FLNA: variants seen among roughly 807,000 people sequenced by gnomAD.
The protein encoded by FLNA is filamin-A.
A neutral mutation model predicts 157.6 loss-of-function variants in FLNA; 7 were observed. The observed-to-expected ratio is 0.04, with a 90% CI of 0.03 to 0.08. The LOEUF (loss-of-function observed/expected upper bound fraction) is 0.08. FLNA is among the 10% of genes least tolerant of loss of function. FLNA has a pLI of 1.00. For missense variants in FLNA, 1,750 were observed against 2,398.4 expected, an observed-to-expected ratio of 0.73 and a Z score of 5.65; for synonymous variants, 1,103 against 1,060.8, an observed-to-expected ratio of 1.04 and a Z score of -0.77.
At chrX:154,362,864 A>G in intron 15 of FLNA, 80 bp from the exon 16 acceptor site, 1 of 1,069,174 alleles carries the variant, frequency 9.4e-7, no homozygotes, top group Non-Finnish European at 1.3e-6. Context: ...ACTGGCAGGC[A>G]CACAAAATGG....
At chrX:154,368,992 A>C (rs1180821807) in intron 2 of FLNA, among the ~76,000 whole-genome samples, 7 of 112,853 alleles carry the variant, frequency 6.2e-5, no homozygotes, top group Non-Finnish European at 9.4e-5. Context: ...TCTGGGCCCC[A>C]CCCAAGGCTA....
At position 154,350,897 on chromosome X, in the gene FLNA, A is replaced by T; in HGVS notation, c.7156+12T>A. On this transcript the variant is annotated intron_variant, in intron 44 of 47. Coordinates refer to ENST00000369850, the MANE Select transcript of FLNA (RefSeq NM_001110556.2). ...AGCAGGGCAGGGCGGCCGGGCAGGG[A>T]CAGGGCCTCACCTTGGTCAATTTCT... is the stretch of plus-strand genomic sequence containing the variant. 1.7e-6 allele frequency: 2 copies of T among 1,210,243 alleles called. No homozygotes were observed. Among genetic ancestry groups the T allele is most frequent in the Non-Finnish European group, 2.2e-6 (2 of 894,207 alleles).
Position 154,362,053 on chromosome X carries a change from C to G in FLNA, c.2752G>C (p.Asp918His). ...ATGATGTCCACATCTCGCACTGCATCCCCCTTGGTGAGTCCTGAGAACTGG... is the reference window on the plus strand; with the variant it reads ...ATGATGTCCACATCTCGCACTGCATGCCCCTTGGTGAGTCCTGAGAACTGG... ...DVQFSGLTKG[D>H]AVRDVDIIDH... The change falls in exon 19 of 48, where the codon GAT becomes CAT. Residue 918 changes from aspartate to histidine, a missense_variant. Asp to His is a moderately conservative substitution (Grantham distance 81, BLOSUM62 -1). Coordinates refer to ENST00000369850, the MANE Select transcript of FLNA (RefSeq NM_001110556.2). The G allele has an allele frequency of 8.3e-7, 1 of 1,210,804 alleles. No individual in the cohort carries two copies. The highest frequency in any genetic ancestry group is 3.0e-5 in the East Asian group (1 of 33,838).
In FLNA at chrX:154,348,747, C is replaced by CGGGCGGCCA. The variant is rs1569551381; in HGVS notation, c.*93_*101dup. 10 of 759,887 alleles carry CGGGCGGCCA rather than the reference C, an allele frequency of 1.3e-5. No individual in the cohort carries two copies. Among genetic ancestry groups the CGGGCGGCCA allele is most frequent in the Non-Finnish European group, 1.3e-5 (7 of 537,761 alleles). 62.6% of individuals were successfully genotyped at this position (759,887 alleles called of 1,213,427 possible). A position where few individuals can be genotyped will look rare whatever the true frequency, so the allele number is the denominator to read the frequency against. ...GGGCAGGGGCGGCTGCAGTGACAGG[C>CGGGCGGCCA]GGGCGGCCAGGGCGGCCTGGGCCGG... On this transcript the variant is annotated 3_prime_UTR_variant, in exon 48 of 48. Coordinates refer to ENST00000369850, the MANE Select transcript of FLNA (RefSeq NM_001110556.2).
Position 154,349,448 on chromosome X carries a change from G to A in FLNA, c.7670C>T (p.Ala2557Val), listed in dbSNP as rs1232024456. Reference sequence around the variant, plus strand: ...CAGGCCCTTGGCCACCACCTTGCTGGCGTCAGCAGGCCCAGGACCCGGGGC... The same window carrying A: ...CAGGCCCTTGGCCACCACCTTGCTGACGTCAGCAGGCCCAGGACCCGGGGC... ...HGAPGPGPAD[A>V]SKVVAKGLGL... The change falls in exon 47 of 48, where the codon GCC becomes GTC. Residue 2557 changes from alanine (A) to valine (V), a missense_variant. Coordinates refer to ENST00000369850, the MANE Select transcript of FLNA (RefSeq NM_001110556.2). 1 of 1,211,287 alleles carries A rather than the reference G, an allele frequency of 8.3e-7. No homozygotes were observed. Among genetic ancestry groups the A allele is most frequent in the Non-Finnish European group, 1.1e-6 (1 of 895,340 alleles).
In FLNA at chrX:154,349,146, C is replaced by T. The variant is rs2067598316; in HGVS notation, c.7757-110G>A. On this transcript the variant is annotated intron_variant, in intron 47 of 47. Coordinates refer to ENST00000369850, the MANE Select transcript of FLNA (RefSeq NM_001110556.2). ...GTTCTGGGGTGACAGTTCTCTCTTC[C>T]TAAAGAGCTGCCAGCACCTCCCCAA... 4 of 883,079 alleles carry T rather than the reference C, an allele frequency of 4.5e-6. No homozygotes were observed. The South Asian group carries it at 8.8e-5, about 19-fold the overall frequency. The allele number at this position is 883,079 out of a possible 1,213,427, so 72.8% of individuals were successfully genotyped here. A position where few individuals can be genotyped will look rare whatever the true frequency, so the allele number is the denominator to read the frequency against.
rs1557177623 is a variant in FLNA at position 154,359,846 on chromosome X, C to T, written c.3865G>A (p.Gly1289Arg). 12 of 1,209,429 alleles carry T rather than the reference C, an allele frequency of 9.9e-6. No individual in the cohort carries two copies. Among genetic ancestry groups the T allele is most frequent in the African/African-American group, 8.7e-5 (5 of 57,348 alleles). ...ACACGGGCCTTGACGTGCGGCCCTC[C>T]GGTCTGTGTCAGAGCCCGGGCGTCC... The part of the protein sequence containing the change: ...SVDARALTQT[G>R]GPHVKARVAN... The change falls in exon 23 of 48, where the codon GGA becomes AGA. Residue 1289 changes from glycine (G) to arginine (R), a missense_variant. Gly to Arg is a moderately radical substitution (Grantham distance 125, BLOSUM62 -2). Coordinates refer to ENST00000369850, the MANE Select transcript of FLNA (RefSeq NM_001110556.2).
At chrX:154,365,056 C>T (rs1557178874) in intron 11 of FLNA, 80 bp downstream of exon 11, 1 of 1,205,028 alleles carries the variant, frequency 8.3e-7, no homozygotes, top group Non-Finnish European at 1.1e-6. Context: ...CATGTGGCCC[C>T]TCATCATCAG....
At position 154,361,628 on chromosome X, in the gene FLNA, G is replaced by T. The variant is rs1220425210; in HGVS notation, c.2944+42C>A. On this transcript the variant is annotated intron_variant, in intron 20 of 47. Transcript: ENST00000369850. ...TGACACCCAGCTCAGCCAATCCCTG[G>T]ATGTGACAAAGGCCTTTGCGACAAG... The T allele has an allele frequency of 2.5e-6, 3 of 1,205,768 alleles. No homozygotes were observed. In the African/African-American group the frequency reaches 5.3e-5, roughly 21 times the overall value.
At position 154,350,814 on chromosome X, in the gene FLNA, G is replaced by A. The variant is rs782046779; in HGVS notation, c.7156+95C>T. On this transcript the variant is annotated intron_variant, in intron 44 of 47. Coordinates refer to ENST00000369850, the MANE Select transcript of FLNA (RefSeq NM_001110556.2). ...TAGGGGGCCCAGGAGTTGGGGCCCC[G>A]TCTTGGCTGCTTACAGAAGCGGTAC... The A allele has an allele frequency of 2.0e-4, 213 of 1,074,037 alleles. No individual in the cohort carries two copies. The African/African-American group carries it at 3.0e-3, about 15-fold the overall frequency. 88.5% of individuals were successfully genotyped at this position (1,074,037 alleles called of 1,213,427 possible).
Position 154,354,705 on chromosome X carries a change from C to T in FLNA, c.5224G>A (p.Ala1742Thr). 8.3e-7 allele frequency: 1 copy of T among 1,207,583 alleles called. No homozygotes were observed. The highest frequency in any genetic ancestry group is 1.8e-5 in the South Asian group (1 of 56,475). Residue 1742 changes from alanine (A) to threonine (T), a missense_variant, in exon 32 of 48, where the codon GCT becomes ACT. Transcript: ENST00000369850. ...PNSPFQVTAL[A>T]GDQPSVQPPL... ...GGCTGCACCGAGGGCTGGTCCCCAG[C>T]CAGAGCCTGCAGGGCAAAGCAGAGA...
At position 154,364,582 on chromosome X, in the gene FLNA, G is replaced by A. The variant is rs137853311; in HGVS notation, c.1966C>T (p.Leu656Phe). The stretch of plus-strand genomic sequence containing the variant: ...CGGATGTCAGCCATGAAGGGGCTGA[G>A]GCGGATGTCTTCGCTGTTGCACAGC... The part of the protein sequence containing the change: ...HVLCNSEDIR[L>F]SPFMADIRDA... The change falls in exon 13 of 48, where the codon CTC becomes TTC. Residue 656 changes from leucine (L) to phenylalanine (F), a missense_variant. Physicochemically the swap from Leu to Phe is conservative, Grantham distance 22. Around this residue, in one of 5 missense-constraint regions of FLNA, gnomAD observed 648 missense variants for 805.8 expected, o/e 0.80. Transcript: ENST00000369850. 9 of 1,209,164 alleles carry A rather than the reference G, an allele frequency of 7.4e-6. No individual in the cohort carries two copies. The highest frequency in any genetic ancestry group is 5.9e-5 in the East Asian group (2 of 33,730).
intron 12 of FLNA, 49 bp downstream of exon 12, chrX:154,364,772 C>A (rs782343288): frequency 1.7e-6 from 2 of 1,210,399 alleles, no homozygotes; most frequent in Non-Finnish European, 2.2e-6. Flanking sequence ...GGTGGGCCGT[C>A]CTTGCCATCG....
Position 154,349,469 on chromosome X carries a change from G to A in FLNA, c.7649C>T (p.Pro2550Leu), listed in dbSNP as rs371724771. 38 of 1,210,820 alleles carry A rather than the reference G, an allele frequency of 3.1e-5. No homozygotes were observed. The Middle Eastern group carries it at 9.2e-4, about 29-fold the overall frequency. ...GCTGGCGTCAGCAGGCCCAGGACCC[G>A]GGGCCCCATGCTGGGGGGCACAGGT... ...KATCAPQHGA[P>L]GPGPADASKV... Residue 2550 changes from proline to leucine, a missense_variant, in exon 47 of 48, where the codon CCG becomes CTG. By Grantham distance (98) the Pro-to-Leu change is moderately conservative. Transcript: ENST00000369850.
At chrX:154,369,321 C>T in intron 2 of FLNA, among the ~76,000 whole-genome samples, 1 of 112,632 alleles carries the variant, frequency 8.9e-6, no homozygotes, top group Middle Eastern at 4.6e-3. Context: ...CCAGCCAGGG[C>T]TTCCCATCAG....
chrX:154,372,609 G>A (rs939931464), intron 1 of FLNA, among the ~76,000 whole-genome samples: 2 of 110,743 alleles, frequency 1.8e-5, no homozygotes, highest in East Asian at 2.8e-4. Context: ...GGCTGGGGAC[G>A]CTCACTGCTA....
In FLNA at chrX:154,371,380, C is replaced by G; in HGVS notation, c.-116-19G>C. ...GGTTGCGCTGCGGAGAGAGCGAGCCCTTTAAATGCGGGAGGAGGGCGGGGC... is the reference window on the plus strand; with the variant it reads ...GGTTGCGCTGCGGAGAGAGCGAGCCGTTTAAATGCGGGAGGAGGGCGGGGC... On this transcript the variant is annotated intron_variant, in intron 1 of 47. Transcript: ENST00000369850. The G allele has an allele frequency of 1.3e-6, 1 of 775,378 alleles. No individual in the cohort carries two copies. Among genetic ancestry groups the G allele is most frequent in the Admixed American group, 3.4e-5 (1 of 29,137 alleles). The allele number at this position is 775,378 out of a possible 1,213,427, so 63.9% of individuals were successfully genotyped here.
At position 154,366,412 on chromosome X, in the gene FLNA, T is replaced by G; in HGVS notation, c.1124A>C (p.Asp375Ala). The change falls in exon 8 of 48, where the codon GAT becomes GCT. Residue 375 changes from aspartate to alanine, a missense_variant. Asp to Ala is a moderately radical substitution (Grantham distance 126). Transcript: ENST00000369850. ...TTTGCTGGCGTCACCCTGTGACTTATCCACGTACACCTCGAAGGGGCTCTT... is the reference window on the plus strand; with the variant it reads ...TTTGCTGGCGTCACCCTGTGACTTAGCCACGTACACCTCGAAGGGGCTCTT... ...IAKSPFEVYV[D>A]KSQGDASKVT... 8.3e-7 allele frequency: 1 copy of G among 1,211,912 alleles called. No homozygotes were observed. The highest frequency in any genetic ancestry group is 1.8e-5 in the South Asian group (1 of 57,050).
intron 30 of FLNA, among the ~76,000 whole-genome samples, chrX:154,356,327 C>G (rs1347486934): frequency 8.9e-6 from 1 of 111,812 alleles, no homozygotes; most frequent in Non-Finnish European, 1.9e-5. Context: ...TGTCTCCATT[C>G]TGCAAACAGT....
Sources: gnomAD v4.1 joint callset for allele counts (sites outside exome capture counted in the v4.1 genomes callset) on GRCh38, gnomAD v4.1.1 for gene constraint, gnomAD v4.1.1 regional missense constraint, MANE v1.5 for transcripts, NCBI Gene and HGNC (gene_info 2026-07-23, HGNC 2026-07-21) for gene names.